Variants in GPC5 observed in about 807,000 individuals in gnomAD.
GPC5 encodes glypican-5.
Under a neutral mutation model 53.9 loss-of-function variants are expected in GPC5, and 47 were observed. The observed-to-expected ratio is 0.87, with a 90% CI of 0.69 to 1.11. The LOEUF is 1.11. GPC5 is among the 50% of genes most tolerant of loss of function. The pLI, the probability that GPC5 is intolerant of heterozygous loss-of-function variation, is 0.00. For synonymous variants in GPC5, 286 were observed against 263.3 expected (o/e 1.09, Z -0.84); for missense variants, 748 against 713.1 (o/e 1.05, Z -0.56).
chr13:91,688,394 A>C (rs2035668444), intron 2 of GPC5, among the ~76,000 whole-genome samples: 1 of 152,254 alleles, frequency 6.6e-6, no homozygotes, highest in African/African-American at 2.4e-5. Context: ...GGATTTAAGA[A>C]ATACTTATGA....
chr13:91,741,472 A>G (rs962824181), intron 4 of GPC5, among the ~76,000 whole-genome samples: 2 of 152,216 alleles, frequency 1.3e-5, no homozygotes, highest in Non-Finnish European at 2.9e-5. Context: ...TACATTACAG[A>G]AAAACACAGG....
At chr13:91,863,896 G>T (rs1189957671) in intron 5 of GPC5, among the ~76,000 whole-genome samples, 3 of 152,142 alleles carry the variant, frequency 2.0e-5, no homozygotes, top group African/African-American at 7.2e-5. Context: ...AAAGGAAGCT[G>T]ATGAAATACA....
intron 7 of GPC5, among the ~76,000 whole-genome samples, chr13:92,861,797 T>C (rs1879193435): frequency 6.6e-6 from 1 of 152,224 alleles, no homozygotes; most frequent in South Asian, 2.1e-4. Flanking sequence ...AATAAAAATA[T>C]AGACCTATAT....
chr13:92,289,745 ATCAAAGTATCATCC>A (rs1361913545), intron 7 of GPC5, among the ~76,000 whole-genome samples: 1 of 152,012 alleles, frequency 6.6e-6, no homozygotes, highest in Non-Finnish European at 1.5e-5. Flanking sequence ...ATATGCTGAT[ATCAAAGTATCATCC>A]TCCTTTTTCC....
intron 7 of GPC5, among the ~76,000 whole-genome samples, chr13:92,452,727 C>T (rs1878113992): frequency 6.6e-6 from 1 of 152,076 alleles, no homozygotes; most frequent in African/African-American, 2.4e-5. Context: ...ACAGCCACAC[C>T]CGGCTAATAT....
chr13:91,998,429 T>C (rs1250647946), intron 6 of GPC5, among the ~76,000 whole-genome samples: 1 of 152,198 alleles, frequency 6.6e-6, no homozygotes, highest in Non-Finnish European at 1.5e-5. Flanking sequence ...TAATATCATA[T>C]ATAATTTCTG....
intron 2 of GPC5, among the ~76,000 whole-genome samples, chr13:91,594,895 A>T (rs2032933835): frequency 6.6e-6 from 1 of 151,952 alleles, no homozygotes; most frequent in South Asian, 2.1e-4. Flanking sequence ...GCTGGTCTCC[A>T]ACTCCCTCAA....
At chr13:92,604,523 C>G (rs1456453583) in intron 7 of GPC5, among the ~76,000 whole-genome samples, 2 of 152,140 alleles carry the variant, frequency 1.3e-5, no homozygotes, top group Non-Finnish European at 2.9e-5. Context: ...CAAGTTAACC[C>G]TCTTAAAAGT....
chr13:92,634,024 A>T (rs1885339230), intron 7 of GPC5, among the ~76,000 whole-genome samples: 1 of 152,088 alleles, frequency 6.6e-6, no homozygotes, highest in Non-Finnish European at 1.5e-5. Context: ...ATCTTTGGAG[A>T]TAATACTGTG....
chr13:92,130,304 G>A (rs2041732506), intron 6 of GPC5, among the ~76,000 whole-genome samples: 2 of 149,954 alleles, frequency 1.3e-5, no homozygotes, highest in Non-Finnish European at 3.0e-5. Flanking sequence ...ATCCCAGCTA[G>A]AAGCATGCAA....
intron 2 of GPC5, among the ~76,000 whole-genome samples, chr13:91,496,018 G>A (rs144233550): frequency 0.012 from 1,762 of 147,738 alleles, 43 homozygotes; most frequent in African/African-American, 0.043. Flanking sequence ...GAGAGACTCT[G>A]TCTCAAAAAA....
At chr13:91,596,373 A>C (rs1175186740) in intron 2 of GPC5, among the ~76,000 whole-genome samples, 3 of 152,232 alleles carry the variant, frequency 2.0e-5, no homozygotes, top group Non-Finnish European at 4.4e-5. Flanking sequence ...TGGCTAGATC[A>C]CATGCTATGT....
intron 6 of GPC5, among the ~76,000 whole-genome samples, chr13:91,921,776 T>G (rs950711136): frequency 7.8e-5 from 9 of 115,824 alleles, no homozygotes; most frequent in African/African-American, 3.5e-4. Flanking sequence ...CAAGACTGCC[T>G]TTAAAAAAAA....
chr13:92,385,539 T>C (rs62637922), intron 7 of GPC5, among the ~76,000 whole-genome samples: 66,079 of 123,506 alleles, frequency 0.54, 18,731 homozygotes, highest in African/African-American at 0.61. Flanking sequence ...TATACATATA[T>C]GCATATATAC....
intron 7 of GPC5, among the ~76,000 whole-genome samples, chr13:92,781,992 T>C (rs914501281): frequency 6.6e-6 from 1 of 151,854 alleles, no homozygotes; most frequent in Non-Finnish European, 1.5e-5. Context: ...TTTAATATAT[T>C]GTGAATGGCA....
chr13:91,533,389 T>C (rs1043844636), intron 2 of GPC5, among the ~76,000 whole-genome samples: 5 of 152,216 alleles, frequency 3.3e-5, no homozygotes, highest in African/African-American at 1.2e-4. Context: ...ATTTTCTCTA[T>C]GAATCACCTT....
rs561812936 is a variant in GPC5 at position 92,008,126 on chromosome 13, A to G, written c.1401+100069A>G. On this transcript the variant is annotated intron_variant, in intron 6 of 7. Coordinates refer to ENST00000377067, the MANE Select transcript of GPC5 (RefSeq NM_004466.6). ...CGCCCAGGCTGGAGTGCAGTGGCGC[A>G]ATCTCGGCTCACTGCAAGCTCCGCC... Among the ~76,000 whole-genome samples the G allele has an allele frequency of 7.9e-3, 1,162 of 146,606 alleles. 17 individuals are homozygous for G. The highest frequency in any genetic ancestry group is 0.026 in the African/African-American group (1,050 of 39,888).
Position 92,163,305 on chromosome 13 carries a change from A to G in GPC5, c.1561+18316A>G, listed in dbSNP as rs543039638. 9.2e-5 allele frequency among the ~76,000 whole-genome samples: 14 copies of G among 152,112 alleles called. No homozygotes were observed. The East Asian group carries it at 2.3e-3, about 25-fold the overall frequency. On this transcript the variant is annotated intron_variant, in intron 7 of 7. Coordinates refer to ENST00000377067, the MANE Select transcript of GPC5 (RefSeq NM_004466.6). ...GTGAAACCCCATCTCTAGTAAAAAT[A>G]CAGACCTCAGCCAGGCATGGTGGTG...
At chr13:91,508,244 A>T (rs1012582224) in intron 2 of GPC5, among the ~76,000 whole-genome samples, 1 of 152,230 alleles carries the variant, frequency 6.6e-6, no homozygotes, top group African/African-American at 2.4e-5. Context: ...ATTAGATGTG[A>T]GAGATGCTAA....
Sources: gnomAD v4.1 joint callset for allele counts (sites outside exome capture counted in the v4.1 genomes callset) on GRCh38, gnomAD v4.1.1 for gene constraint, MANE v1.5 for transcripts, NCBI Gene and HGNC (gene_info 2026-07-23, HGNC 2026-07-21) for gene names.